ZNF638: variants seen among roughly 807,000 people sequenced by gnomAD.
The protein encoded by ZNF638 is zinc finger protein 638, also known as CTCL tumor antigen se33-1.
Under a neutral mutation model 195.6 loss-of-function variants are expected in ZNF638, and 46 were observed. That is an observed-to-expected ratio of 0.24 (90% confidence interval 0.19 to 0.30). The LOEUF (loss-of-function observed/expected upper bound fraction) is 0.30. Among genes scored for constraint, ZNF638 ranks in the 10% least tolerant of loss-of-function variants. The probability of loss-of-function intolerance (pLI) is 1.00; values close to 1 mark genes in which losing one functional copy is unlikely to be tolerated. For synonymous variants in ZNF638, 845 were observed against 772.0 expected, an observed-to-expected ratio of 1.09 and a Z score of -1.57; for missense variants, 2,440 against 2,325.3, an observed-to-expected ratio of 1.05 and a Z score of -1.01.
At chr2:71,373,187 A>G (rs1478276376) in intron 8 of ZNF638, among the ~76,000 whole-genome samples, 1 of 152,204 alleles carries the variant, frequency 6.6e-6, no homozygotes, top group Non-Finnish European at 1.5e-5. Context: ...AGAAAATGAT[A>G]TCTAGTTTTA....
intron 20 of ZNF638, 143 bp downstream of exon 20, chr2:71,408,390 G>C (rs1045971621): frequency 9.4e-7 from 1 of 1,064,276 alleles, no homozygotes; most frequent in Non-Finnish European, 1.3e-6. Context: ...AATTTTCATA[G>C]TTTATAAAGC....
chr2:71,366,060 C>A, intron 6 of ZNF638, among the ~76,000 whole-genome samples: 1 of 152,120 alleles, frequency 6.6e-6, no homozygotes, highest in East Asian at 1.9e-4. Flanking sequence ...AAACAGAAAA[C>A]AAAGTTGTTG....
rs1397399615 is a variant in ZNF638 at position 71,398,620 on chromosome 2, A to G, written c.2429-81A>G. The G allele has an allele frequency of 4.5e-6, 5 of 1,116,700 alleles. No individual in the cohort carries two copies. In the African/African-American group the frequency reaches 6.2e-5, roughly 14 times the overall value. The allele number at this position is 1,116,700 out of a possible 1,614,324, so 69.2% of individuals were successfully genotyped here. On this transcript the variant is annotated intron_variant, in intron 11 of 27. Coordinates refer to ENST00000264447, the MANE Select transcript of ZNF638 (RefSeq NM_014497.5). ...ATAAAACACAGCCTATTATTCTTACATCTTTTTCTCTGTGAGGTTCTTTGG... is the reference window on the plus strand; with the variant it reads ...ATAAAACACAGCCTATTATTCTTACGTCTTTTTCTCTGTGAGGTTCTTTGG...
chr2:71,350,178 A>G lies in ZNF638; in HGVS notation c.1224A>G (p.Pro408=). 1 of 1,612,776 alleles carries G rather than the reference A, an allele frequency of 6.2e-7. No homozygotes were observed. Among genetic ancestry groups the G allele is most frequent in the Non-Finnish European group, 8.5e-7 (1 of 1,180,028 alleles). ...HADAQKMKRL[P]TPSMMNDYYA... is the part of the protein sequence containing the mutation. ...ATGCCCAGAAGATGAAGAGACTTCC[A>G]ACTCCTTCTATGATGAATGATTATT... Residue 408 remains proline, a synonymous_variant, in exon 2 of 28, where the codon CCA becomes CCG. Transcript: ENST00000264447.
At chr2:71,336,314 G>A (rs1436449786) in intron 1 of ZNF638, among the ~76,000 whole-genome samples, 2 of 148,712 alleles carry the variant, frequency 1.3e-5, no homozygotes, top group Non-Finnish European at 3.0e-5. Context: ...AGGTTGCGGT[G>A]AGCCGAGATT....
chr2:71,399,723 C>T (rs1231896059), intron 13 of ZNF638, 78 bp downstream of exon 13: 17 of 1,174,524 alleles, frequency 1.4e-5, no homozygotes, highest in Non-Finnish European at 2.1e-5. Flanking sequence ...GGTACATGTG[C>T]AGGTTTCTTA....
chr2:71,344,021 T>C (rs1377519092), intron 1 of ZNF638, among the ~76,000 whole-genome samples: 1 of 152,150 alleles, frequency 6.6e-6, no homozygotes, highest in Non-Finnish European at 1.5e-5. Context: ...TCCCAGCTAC[T>C]CAGGAGGGCG....
At chr2:71,402,260 A>G (rs550824608) in intron 16 of ZNF638, among the ~76,000 whole-genome samples, 173 bp downstream of exon 16, 1 of 152,302 alleles carries the variant, frequency 6.6e-6, no homozygotes, top group East Asian at 1.9e-4. Context: ...GTATTGTTGT[A>G]ACGAGACATA....
intron 10 of ZNF638, among the ~76,000 whole-genome samples, chr2:71,382,962 C>T (rs2079560026): frequency 6.6e-6 from 1 of 152,134 alleles, no homozygotes; most frequent in South Asian, 2.1e-4. Context: ...GATATTTATG[C>T]TGGACACATG....
At chr2:71,396,954 T>TAAACAAAC (rs907424027) in intron 11 of ZNF638, among the ~76,000 whole-genome samples, 1 of 151,884 alleles carries the variant, frequency 6.6e-6, no homozygotes, top group African/African-American at 2.4e-5. Flanking sequence ...CTCAAATAAA[T>TAAACAAAC]AAACAAACAA....
At chr2:71,394,253 A>G (rs909453797) in intron 10 of ZNF638, among the ~76,000 whole-genome samples, 2 of 152,142 alleles carry the variant, frequency 1.3e-5, no homozygotes, top group Non-Finnish European at 2.9e-5. Flanking sequence ...TTTGGGCCAA[A>G]GGGGGGATGG....
Position 71,428,317 on chromosome 2 carries a change from A to G in ZNF638, c.5546-230A>G, listed in dbSNP as rs185796173. ...GGACATCCTGGGAAAAGAAGTTAGA[A>G]AAGCATAGTTACTTGGAAAATGATA... On this transcript the variant is annotated intron_variant, in intron 24 of 27. Transcript: ENST00000264447. Among the ~76,000 whole-genome samples, 342 of 152,328 alleles carry G rather than the reference A, an allele frequency of 2.2e-3. 2 individuals carry two copies. The highest frequency in any genetic ancestry group is 3.1e-3 in the Non-Finnish European group (211 of 68,034).
At chr2:71,382,811 G>C (rs536168812) in intron 10 of ZNF638, among the ~76,000 whole-genome samples, 1 of 152,288 alleles carries the variant, frequency 6.6e-6, no homozygotes, top group East Asian at 1.9e-4. Context: ...GGGTAAAGGT[G>C]ATGCAGGATT....
At chr2:71,400,303 A>G (rs1280780482) in intron 14 of ZNF638, 123 bp downstream of exon 14, 2 of 1,050,220 alleles carry the variant, frequency 1.9e-6, no homozygotes, top group Non-Finnish European at 2.7e-6. Flanking sequence ...TGATCTCAGA[A>G]TGAAATTTAA....
chr2:71,377,942 T>C (rs1293246395), intron 8 of ZNF638, among the ~76,000 whole-genome samples: 1 of 152,228 alleles, frequency 6.6e-6, no homozygotes, highest in Non-Finnish European at 1.5e-5. Context: ...TTCGTTGTAA[T>C]TGAGTACATT....
intron 1 of ZNF638, among the ~76,000 whole-genome samples, chr2:71,346,131 C>A (rs1291992982): frequency 6.6e-6 from 1 of 152,092 alleles, no homozygotes; most frequent in African/African-American, 2.4e-5. Flanking sequence ...GAAATTTGTT[C>A]TTTTGCTGTT....
In ZNF638 at chr2:71,434,949, A is replaced by G; in HGVS notation, c.*142A>G. ...ATTTCTGATTGCCCTAAATGTAGAG[A>G]GACTGATGGGGAAAGTATGATGGGT... On this transcript the variant is annotated 3_prime_UTR_variant, in exon 28 of 28. Transcript: ENST00000264447. 1 of 631,872 alleles carries G rather than the reference A, an allele frequency of 1.6e-6. No homozygotes were observed. The highest frequency in any genetic ancestry group is 2.7e-6 in the Non-Finnish European group (1 of 369,094). 39.1% of individuals were successfully genotyped at this position (631,872 alleles called of 1,614,324 possible). A position where few individuals can be genotyped will look rare whatever the true frequency, so the allele number is the denominator to read the frequency against.
chr2:71,399,065 CT>C (rs1040165814), intron 12 of ZNF638, among the ~76,000 whole-genome samples: 2 of 152,006 alleles, frequency 1.3e-5, no homozygotes, highest in African/African-American at 4.8e-5. Context: ...GTTTCCTTCG[CT>C]TTTTTTAGAG....
At chr2:71,431,242 A>G in intron 25 of ZNF638, 85 bp from the exon 26 acceptor site, 1 of 1,215,630 alleles carries the variant, frequency 8.2e-7, no homozygotes. Context: ...TCCCTGAGAA[A>G]GAAAAAGGTA....
Sources: allele counts gnomAD v4.1 joint callset (sites outside exome capture counted in the v4.1 genomes callset), GRCh38; gene constraint gnomAD v4.1.1; transcripts MANE v1.5; gene names NCBI Gene and HGNC (gene_info 2026-07-23, HGNC 2026-07-21).